ITPR1: variants seen among roughly 807,000 people sequenced by gnomAD.
ITPR1 encodes inositol 1,4,5-trisphosphate-gated calcium channel ITPR1.
Under a neutral mutation model 318.4 loss-of-function variants are expected in ITPR1, and 96 were observed. The observed-to-expected ratio is 0.30, with a 90% CI of 0.26 to 0.36. The LOEUF (loss-of-function observed/expected upper bound fraction) is 0.36. Among genes scored for constraint, ITPR1 ranks in the 10% least tolerant of loss-of-function variants. The pLI, the probability that ITPR1 is intolerant of heterozygous loss-of-function variation, is 1.00. For missense variants in ITPR1, 2,440 were observed against 3,460.2 expected (o/e 0.71, Z 7.40); for synonymous variants, 1,312 against 1,289.9 (o/e 1.02, Z -0.37).
At chr3:4,514,442 AC>A (rs1392653218) in intron 2 of ITPR1, among the ~76,000 whole-genome samples, 1 of 152,214 alleles carries the variant, frequency 6.6e-6, no homozygotes, top group Non-Finnish European at 1.5e-5. Context: ...ACTCGAGGAC[AC>A]TGAATTGTCT....
At chr3:4,835,445 G>T (rs547955649) in intron 60 of ITPR1, among the ~76,000 whole-genome samples, 1 of 152,112 alleles carries the variant, frequency 6.6e-6, no homozygotes, top group South Asian at 2.1e-4. Context: ...GGGGTATAAC[G>T]GAGTAGCTGA....
chr3:4,765,235 G>A (rs1343898195), intron 44 of ITPR1, among the ~76,000 whole-genome samples: 1 of 152,038 alleles, frequency 6.6e-6, no homozygotes, highest in East Asian at 1.9e-4. Flanking sequence ...TGGCTGGAGG[G>A]AAAACGAACC....
intron 13 of ITPR1, among the ~76,000 whole-genome samples, chr3:4,658,579 G>A (rs941044268): frequency 6.6e-6 from 1 of 150,788 alleles, no homozygotes; most frequent in African/African-American, 2.4e-5. Context: ...CCTTGGGAGA[G>A]CTCTTGGTTT....
At chr3:4,825,679 A>G (rs1331599803) in intron 60 of ITPR1, 1 of 454,278 alleles carries the variant, frequency 2.2e-6, no homozygotes, top group African/African-American at 2.0e-5. Flanking sequence ...GCAAAAGATC[A>G]AAATGGAAAC....
chr3:4,566,764 A>G lies in ITPR1; in HGVS notation c.163+45670A>G, dbSNP rs536651811. On this transcript the variant is annotated intron_variant, in intron 4 of 61. Coordinates refer to ENST00000649015, the MANE Select transcript of ITPR1 (RefSeq NM_001378452.1). ...ACAACTCTGGCCTGTAATCAGCCCA[A>G]CCTGGGCCTGGGCCTTGGCCACTAC... 5.9e-5 allele frequency among the ~76,000 whole-genome samples: 9 copies of G among 152,266 alleles called. No homozygotes were observed. The East Asian group carries it at 1.5e-3, about 26-fold the overall frequency.
intron 1 of ITPR1, 73 bp downstream of exon 1, chr3:4,493,678 C>G (rs1234848120): frequency 6.6e-6 from 1 of 152,300 alleles, no homozygotes; most frequent in Non-Finnish European, 1.5e-5. Flanking sequence ...TTTTGCCCCG[C>G]TCTCGGGGAG....
chr3:4,688,855 T>C (rs1286757537), intron 31 of ITPR1, among the ~76,000 whole-genome samples: 2 of 152,218 alleles, frequency 1.3e-5, no homozygotes, highest in African/African-American at 4.8e-5. Flanking sequence ...TAAAGTAAGA[T>C]ACGTGTCTAT....
At chr3:4,730,419 G>GT (rs79725720) in intron 42 of ITPR1, among the ~76,000 whole-genome samples, 3 of 105,690 alleles carry the variant, frequency 2.8e-5, no homozygotes, top group Admixed American at 9.3e-5. Flanking sequence ...GTGTGTGTGT[G>GT]TTTCCCCCAG....
intron 44 of ITPR1, chr3:4,735,639 TA>T (rs755374438): frequency 1.5e-4 from 59 of 393,376 alleles, no homozygotes; most frequent in Admixed American, 4.1e-4. Flanking sequence ...GGGCACTCCA[TA>T]AATGTTTGTT....
At chr3:4,547,972 G>A (rs1344386428) in intron 4 of ITPR1, among the ~76,000 whole-genome samples, 1 of 152,134 alleles carries the variant, frequency 6.6e-6, no homozygotes, top group African/African-American at 2.4e-5. Flanking sequence ...CTCAGTCTAA[G>A]TACCGGCCTG....
chr3:4,624,227 G>A (rs927637565), intron 4 of ITPR1, among the ~76,000 whole-genome samples: 9 of 152,220 alleles, frequency 5.9e-5, no homozygotes, highest in Admixed American at 3.9e-4. Flanking sequence ...TACTATTGGT[G>A]AAAACTGACA....
intron 5 of ITPR1, among the ~76,000 whole-genome samples, chr3:4,630,575 T>C (rs2092983428): frequency 6.8e-6 from 1 of 147,484 alleles, no homozygotes; most frequent in Non-Finnish European, 1.5e-5. Context: ...ATTATTATTA[T>C]TATTATTATT....
intron 44 of ITPR1, among the ~76,000 whole-genome samples, chr3:4,763,386 G>C (rs1360383134): frequency 6.6e-6 from 1 of 151,878 alleles, no homozygotes; most frequent in Non-Finnish European, 1.5e-5. Flanking sequence ...AAAATTACTT[G>C]AACAGAATAA....
intron 51 of ITPR1, among the ~76,000 whole-genome samples, chr3:4,785,080 C>A (rs2125401965): frequency 6.6e-6 from 1 of 152,272 alleles, no homozygotes; most frequent in Non-Finnish European, 1.5e-5. Flanking sequence ...GACTTAAATT[C>A]TTTCAATAAA....
At chr3:4,692,641 C>T (rs994831509) in intron 32 of ITPR1, among the ~76,000 whole-genome samples, 22 of 152,078 alleles carry the variant, frequency 1.4e-4, no homozygotes, top group Non-Finnish European at 2.6e-4. Flanking sequence ...CTGATGAAAT[C>T]GATTTATTCT....
At chr3:4,696,484 C>G (rs971591577) in intron 33 of ITPR1, among the ~76,000 whole-genome samples, 2 of 152,178 alleles carry the variant, frequency 1.3e-5, no homozygotes, top group Admixed American at 1.3e-4. Context: ...TCTATACATA[C>G]ACCACGTTTT....
intron 58 of ITPR1, 45 bp from the exon 59 acceptor site, chr3:4,815,007 AG>A: frequency 6.6e-7 from 1 of 1,517,742 alleles, no homozygotes; most frequent in Non-Finnish European, 8.9e-7. Flanking sequence ...CGCAGACCAA[AG>A]GGTCGCAAGG....
At chr3:4,619,752 C>T (rs533200413) in intron 4 of ITPR1, among the ~76,000 whole-genome samples, 1 of 58,528 alleles carries the variant, frequency 1.7e-5, no homozygotes, top group Non-Finnish European at 3.5e-5. Context: ...TCTCCTCTGC[C>T]CTCCCCTCCT....
At chr3:4,623,541 C>T (rs2092715601) in intron 4 of ITPR1, among the ~76,000 whole-genome samples, 1 of 152,162 alleles carries the variant, frequency 6.6e-6, no homozygotes. Context: ...ATGTGTTCTC[C>T]TTCCCCCAAA....
Sources: allele counts gnomAD v4.1 joint callset (sites outside exome capture counted in the v4.1 genomes callset), GRCh38; gene constraint gnomAD v4.1.1; transcripts MANE v1.5; gene names NCBI Gene and HGNC (gene_info 2026-07-23, HGNC 2026-07-21).